RBFOX1: variants seen among roughly 807,000 people sequenced by gnomAD.
RBFOX1 encodes the protein RNA binding fox-1 homolog 1, also known as RNA binding protein fox-1 homolog 1.
A neutral mutation model predicts 57.7 loss-of-function variants in RBFOX1; 8 were observed. The ratio of observed to expected loss-of-function variants is 0.14; its 90% confidence interval spans 0.08 to 0.25. The LOEUF (loss-of-function observed/expected upper bound fraction) is 0.25. Ranked by LOEUF, RBFOX1 falls within the 10% of genes least tolerant of loss-of-function variation. RBFOX1 has a pLI of 1.00. For missense variants in RBFOX1, 611 were observed against 548.5 expected, an observed-to-expected ratio of 1.11 and a Z score of -1.14; for synonymous variants, 326 against 222.4, an observed-to-expected ratio of 1.47 and a Z score of -4.15.
At chr16:7,254,288 A>G (rs376283531) in intron 4 of RBFOX1, among the ~76,000 whole-genome samples, 1 of 152,104 alleles carries the variant, frequency 6.6e-6, no homozygotes, top group East Asian at 1.9e-4. Context: ...GAAATTCTTG[A>G]CTCATTTGCC....
At chr16:6,390,129 C>T (rs1196307119) in intron 2 of RBFOX1, among the ~76,000 whole-genome samples, 2 of 152,150 alleles carry the variant, frequency 1.3e-5, no homozygotes, top group African/African-American at 2.4e-5. Flanking sequence ...GATGCTAATC[C>T]GTTAATTAGA....
intron 3 of RBFOX1, among the ~76,000 whole-genome samples, chr16:7,027,439 G>A (rs557334760): frequency 6.6e-6 from 1 of 152,150 alleles, no homozygotes; most frequent in East Asian, 1.9e-4. Context: ...TTTTTCAGGT[G>A]GAATAGGAGA....
At chr16:6,567,562 C>T (rs529336941) in intron 2 of RBFOX1, among the ~76,000 whole-genome samples, 2 of 152,258 alleles carry the variant, frequency 1.3e-5, no homozygotes, top group Non-Finnish European at 2.9e-5. Context: ...CATTGTGTTT[C>T]TTATGTGTCT....
At chr16:6,575,842 G>A (rs909991461) in intron 2 of RBFOX1, among the ~76,000 whole-genome samples, 1 of 149,758 alleles carries the variant, frequency 6.7e-6, no homozygotes, top group African/African-American at 2.5e-5. Context: ...GGGTGACAGA[G>A]TGAGACTCCA....
intron 4 of RBFOX1, among the ~76,000 whole-genome samples, chr16:5,964,589 G>T (rs1360021074): frequency 6.6e-6 from 1 of 151,730 alleles, no homozygotes; most frequent in Non-Finnish European, 1.5e-5. Flanking sequence ...GTGTATATAT[G>T]CATCTATATC....
intron 2 of RBFOX1, among the ~76,000 whole-genome samples, chr16:5,550,180 G>C (rs1481904982): frequency 1.3e-5 from 2 of 152,192 alleles, no homozygotes; most frequent in Non-Finnish European, 2.9e-5. Flanking sequence ...TTGCGAGAGG[G>C]GCTGTGTGGA....
intron 1 of RBFOX1, among the ~76,000 whole-genome samples, chr16:6,024,091 G>T (rs564136930): frequency 7.2e-5 from 11 of 152,304 alleles, no homozygotes; most frequent in Admixed American, 3.3e-4. Flanking sequence ...TGTGAGCACT[G>T]TCACTCATTA....
chr16:5,308,236 G>C (rs2063988933), intron 1 of RBFOX1, among the ~76,000 whole-genome samples: 1 of 151,834 alleles, frequency 6.6e-6, no homozygotes, highest in Non-Finnish European at 1.5e-5. Flanking sequence ...AGCTACTCAG[G>C]AGATCGCTTG....
intron 2 of RBFOX1, among the ~76,000 whole-genome samples, chr16:6,371,286 T>C (rs1159857097): frequency 4.6e-5 from 7 of 152,224 alleles, no homozygotes; most frequent in Non-Finnish European, 8.8e-5. Flanking sequence ...TCAATTATGA[T>C]TATTACGGCT....
intron 1 of RBFOX1, among the ~76,000 whole-genome samples, chr16:5,302,665 G>A (rs1528320): frequency 0.93 from 141,509 of 152,252 alleles, 65,803 homozygotes; most frequent in East Asian, 0.99. Flanking sequence ...CACCTTAATT[G>A]TTATTAAATG....
At chr16:6,695,304 TACTC>T (rs1256768351) in intron 3 of RBFOX1, among the ~76,000 whole-genome samples, 1 of 149,904 alleles carries the variant, frequency 6.7e-6, no homozygotes, top group Non-Finnish European at 1.5e-5. Flanking sequence ...CTGTAATAGG[TACTC>T]AGGAGGCTGA....
In RBFOX1 at chr16:7,043,145, A is replaced by T. The variant is rs559019166; in HGVS notation, c.-15-8912A>T. Among the ~76,000 whole-genome samples, 20 of 148,054 alleles carry T rather than the reference A, an allele frequency of 1.4e-4. No individual in the cohort carries two copies. The South Asian group carries it at 4.3e-3, about 32-fold the overall frequency. ...CCTCCCGCCCAACTCCTATTTACTC[A>T]GTAAGGGTTAGATCAAGGGTCTCAG... On this transcript the variant is annotated intron_variant, in intron 3 of 15. Coordinates refer to ENST00000550418, the MANE Select transcript of RBFOX1 (RefSeq NM_018723.4).
rs116644206 is a variant in RBFOX1, at chr16:7,013,856, C to G, written c.-15-38201C>G. ...AAAAACTTGTAGAAATGGGGTCTCA[C>G]CATGTTACCCAGGTCATTCTTGAGC... On this transcript the variant is annotated intron_variant, in intron 3 of 15. Transcript: ENST00000550418. 5.3e-5 allele frequency among the ~76,000 whole-genome samples: 8 copies of G among 152,182 alleles called. No homozygotes were observed. The South Asian group carries it at 1.7e-3, about 32-fold the overall frequency.
intron 3 of RBFOX1, among the ~76,000 whole-genome samples, chr16:5,786,014 G>A (rs2054489083): frequency 6.6e-6 from 1 of 152,098 alleles, no homozygotes; most frequent in Non-Finnish European, 1.5e-5. Flanking sequence ...GACCACCAGA[G>A]CTTTCCTTTC....
chr16:6,526,284 T>C (rs550111266), intron 2 of RBFOX1, among the ~76,000 whole-genome samples: 2 of 152,326 alleles, frequency 1.3e-5, no homozygotes, highest in South Asian at 2.1e-4. Flanking sequence ...CGTGCTGTTA[T>C]GATTGGGACA....
intron 2 of RBFOX1, among the ~76,000 whole-genome samples, chr16:6,367,311 C>A (rs2089792102): frequency 6.6e-6 from 1 of 152,032 alleles, no homozygotes; most frequent in Non-Finnish European, 1.5e-5. Context: ...CACACCGTTG[C>A]CTGGGCTGGA....
chr16:6,582,473 T>TTG (rs377716800), intron 2 of RBFOX1, among the ~76,000 whole-genome samples: 1 of 151,732 alleles, frequency 6.6e-6, no homozygotes, highest in Non-Finnish European at 1.5e-5. Flanking sequence ...TTTTTTTTTT[T>TTG]TCAATTTTTA....
At chr16:5,442,230 A>G (rs1597083434) in intron 1 of RBFOX1, among the ~76,000 whole-genome samples, 1 of 152,200 alleles carries the variant, frequency 6.6e-6, no homozygotes, top group South Asian at 2.1e-4. Flanking sequence ...GGGAGGATGT[A>G]GAAGGGCATT....
At chr16:6,683,091 G>T (rs984976718) in intron 3 of RBFOX1, among the ~76,000 whole-genome samples, 4 of 151,994 alleles carry the variant, frequency 2.6e-5, no homozygotes, top group Non-Finnish European at 5.9e-5. Context: ...CTGGAGACTC[G>T]AGTTTAACCA....
Sources: gnomAD v4.1 joint callset for allele counts (sites outside exome capture counted in the v4.1 genomes callset) on GRCh38, gnomAD v4.1.1 for gene constraint, MANE v1.5 for transcripts, NCBI Gene and HGNC (gene_info 2026-07-23, HGNC 2026-07-21) for gene names.